DMD: variants seen among roughly 807,000 people sequenced by gnomAD.
DMD encodes mutant dystrophin.
A neutral mutation model predicts 330.1 loss-of-function variants in DMD; 63 were observed. That is an observed-to-expected ratio of 0.19 (90% CI 0.16 to 0.24). The LOEUF (loss-of-function observed/expected upper bound fraction) is 0.24. Ranked by LOEUF, DMD falls within the 10% of genes least tolerant of loss-of-function variation. The pLI is 1.00. For synonymous variants in DMD, 1,223 were observed against 959.8 expected, an observed-to-expected ratio of 1.27 and a Z score of -5.07; for missense variants, 3,344 against 2,684.1, an observed-to-expected ratio of 1.25 and a Z score of -5.43.
intron 61 of DMD, among the ~76,000 whole-genome samples, chrX:31,343,697 A>C (rs1479692760): frequency 2.8e-5 from 3 of 108,999 alleles, no homozygotes; most frequent in African/African-American, 1.0e-4. Context: ...GACAGTAAGC[A>C]TGTTTACGCT....
chrX:32,749,030 T>C (rs976730917), intron 7 of DMD, among the ~76,000 whole-genome samples: 5 of 112,084 alleles, frequency 4.5e-5, no homozygotes, highest in Non-Finnish European at 9.4e-5. Context: ...CCTAGGTACA[T>C]ACAGAACCCA....
chrX:32,482,726 C>G (rs764672610), intron 21 of DMD, among the ~76,000 whole-genome samples: 1 of 111,517 alleles, frequency 9.0e-6, no homozygotes, highest in Non-Finnish European at 1.9e-5. Flanking sequence ...GTGTTTCTCT[C>G]TGAGGGTTAG....
At chrX:33,200,423 TGATA>T (rs1481313421) in intron 1 of DMD, among the ~76,000 whole-genome samples, 2 of 111,228 alleles carry the variant, frequency 1.8e-5, no homozygotes, top group Non-Finnish European at 3.8e-5. Flanking sequence ...TGTGTATGTA[TGATA>T]GACAGAAAGA....
At chrX:31,459,934 T>C (rs916333272) in intron 59 of DMD, among the ~76,000 whole-genome samples, 4 of 112,270 alleles carry the variant, frequency 3.6e-5, no homozygotes, top group Non-Finnish European at 7.5e-5. Flanking sequence ...CCATTTTCCA[T>C]TGAACATTAA....
chrX:32,262,623 T>G (rs2148288226), intron 43 of DMD, among the ~76,000 whole-genome samples: 1 of 111,416 alleles, frequency 9.0e-6, no homozygotes, highest in African/African-American at 3.3e-5. Flanking sequence ...GTATAAAGAT[T>G]ACCGTAGCGA....
intron 43 of DMD, among the ~76,000 whole-genome samples, chrX:32,263,391 A>G (rs1372487302): frequency 8.9e-6 from 1 of 112,218 alleles, no homozygotes; most frequent in African/African-American, 3.2e-5. Flanking sequence ...GGTACAACAT[A>G]TTGTTATCAA....
chrX:31,149,627 GT>G (rs1380461036), intron 74 of DMD, among the ~76,000 whole-genome samples: 1 of 111,735 alleles, frequency 8.9e-6, no homozygotes, highest in Non-Finnish European at 1.9e-5. Flanking sequence ...CATTAATAAT[GT>G]TTTACTTGTT....
chrX:32,542,337 G>C (rs1300629794), intron 17 of DMD, among the ~76,000 whole-genome samples: 2 of 111,786 alleles, frequency 1.8e-5, no homozygotes, highest in Admixed American at 1.9e-4. Flanking sequence ...GGAGGTTGAG[G>C]CAGAGAATTG....
At chrX:31,473,669 C>T (rs1299745935) in intron 59 of DMD, among the ~76,000 whole-genome samples, 1 of 96,966 alleles carries the variant, frequency 1.0e-5, no homozygotes, top group Non-Finnish European at 2.0e-5. Context: ...GCCGAGATCT[C>T]ACCACTGCAC....
rs1022780225 is a variant in DMD at position 31,328,580 on chromosome X, A to G, written c.9164-4922T>C. Among the ~76,000 whole-genome samples, 6 of 111,146 alleles carry G rather than the reference A, an allele frequency of 5.4e-5. 1 individual carries two copies. In the East Asian group the frequency reaches 1.4e-3, roughly 26 times the overall value. ...GAGCTGGATATAGCAGAAAATGTCC[A>G]GAGTACAGATTCAGAAGAACTGGAT... is the stretch of plus-strand genomic sequence containing the variant. On this transcript the variant is annotated intron_variant, in intron 61 of 78. Transcript: ENST00000357033.
At chrX:32,240,584 C>T (rs773673877) in intron 43 of DMD, among the ~76,000 whole-genome samples, 3 of 111,755 alleles carry the variant, frequency 2.7e-5, no homozygotes, top group African/African-American at 6.5e-5. Context: ...AAATAGTTTT[C>T]GTATTGCAGG....
chrX:32,200,801 T>C (rs1016147915), intron 44 of DMD, among the ~76,000 whole-genome samples: 6 of 111,931 alleles, frequency 5.4e-5, no homozygotes, highest in Non-Finnish European at 9.4e-5. Context: ...TCTCAATTAG[T>C]ACTAGCCGCA....
intron 44 of DMD, among the ~76,000 whole-genome samples, chrX:31,996,619 A>C (rs960286660): frequency 9.0e-6 from 1 of 111,641 alleles, no homozygotes; most frequent in African/African-American, 3.3e-5. Context: ...GAAAACAAAA[A>C]AAGTGGGGCT....
chrX:32,219,704 C>T (rs2097125751), intron 43 of DMD, among the ~76,000 whole-genome samples: 1 of 110,993 alleles, frequency 9.0e-6, no homozygotes, highest in African/African-American at 3.3e-5. Flanking sequence ...TGCTGTTTTT[C>T]CTACCCAATC....
At position 31,149,798 on chromosome X, in the gene DMD, T is replaced by C. The variant is rs1420115095; in HGVS notation, c.10554-2280A>G. 2.7e-5 allele frequency among the ~76,000 whole-genome samples: 3 copies of C among 112,236 alleles called. No individual in the cohort carries two copies. The Admixed American group carries it at 2.8e-4, about 11-fold the overall frequency. ...TGATTCAATTCAGTGCCTTATGTTTTGTAATTCTTACTGTGATTTCTTTTA... is the reference window on the plus strand; with the variant it reads ...TGATTCAATTCAGTGCCTTATGTTTCGTAATTCTTACTGTGATTTCTTTTA... On this transcript the variant is annotated intron_variant, in intron 74 of 78. Coordinates refer to ENST00000357033, the MANE Select transcript of DMD (RefSeq NM_004006.3).
chrX:33,163,628 C>CTATGTATCTATG (rs1557282397), intron 1 of DMD, among the ~76,000 whole-genome samples: 9 of 100,082 alleles, frequency 9.0e-5, no homozygotes, highest in Non-Finnish European at 1.8e-4. Context: ...CTCTATCTAT[C>CTATGTATCTATG]TATCTATCTA....
intron 21 of DMD, among the ~76,000 whole-genome samples, chrX:32,477,193 A>C (rs2148518092): frequency 9.0e-6 from 1 of 111,265 alleles, no homozygotes; most frequent in East Asian, 2.8e-4. Flanking sequence ...TATTCAACAA[A>C]ATGAAAATCA....
At chrX:32,939,793 T>C (rs2090277332) in intron 2 of DMD, among the ~76,000 whole-genome samples, 1 of 109,862 alleles carries the variant, frequency 9.1e-6, no homozygotes. Flanking sequence ...AAGTATGCAA[T>C]CCCATTTATA....
chrX:32,676,524 G>A (rs1361759616), intron 9 of DMD, among the ~76,000 whole-genome samples: 1 of 111,518 alleles, frequency 9.0e-6, no homozygotes, highest in Non-Finnish European at 1.9e-5. Context: ...TTGAGAATAT[G>A]ATTGAAATTC....
Sources: allele counts gnomAD v4.1 joint callset (sites outside exome capture counted in the v4.1 genomes callset), GRCh38; gene constraint gnomAD v4.1.1; transcripts MANE v1.5; gene names NCBI Gene and HGNC (gene_info 2026-07-23, HGNC 2026-07-21).